The following PROSER2 variants were observed in gnomAD, a reference collection of about 807,000 sequenced individuals.
PROSER2 encodes the protein proline and serine-rich protein 2.
In PROSER2, 18 loss-of-function variants were observed where a neutral mutation model predicts 14.6. That is an observed-to-expected ratio of 1.23 (90% confidence interval 0.85 to 1.83). The LOEUF (loss-of-function observed/expected upper bound fraction) is 1.83. Ranked by LOEUF, PROSER2 falls within the 40% of genes most tolerant of loss-of-function variation. The probability of loss-of-function intolerance (pLI) is 0.00; values close to 1 mark genes in which losing one functional copy is unlikely to be tolerated. For synonymous variants in PROSER2, 367 were observed against 286.4 expected (o/e 1.28, Z -2.84); for missense variants, 823 against 629.8 (o/e 1.31, Z -3.28).
In PROSER2 at chr10:11,836,095, G is replaced by A. The variant is rs563898835; in HGVS notation, c.-82+12625G>A. Among the ~76,000 whole-genome samples the A allele has an allele frequency of 6.6e-6, 1 of 152,242 alleles. No individual in the cohort carries two copies. Among genetic ancestry groups the A allele is most frequent in the African/African-American group, 2.4e-5 (1 of 41,538 alleles). On this transcript the variant is annotated intron_variant, in intron 1 of 3. Transcript: ENST00000277570. This position sits in a 1 kb window ranked among gnomAD's most constrained non-coding sequence, Gnocchi z 4.6. The stretch of plus-strand genomic sequence containing the variant: ...CGCCCAGGCTGCAGTGCAGTGGCAC[G>A]ATCTTGGCTCACTGCAACCTCGGCC...
rs1026770900 is a variant in PROSER2 at position 11,826,879 on chromosome 10, C to A, written c.-82+3409C>A. ...ACAGGCATGAGCCACTGCACCCGGC[C>A]TTTTTTTTTTTTTTTTTTCCTCTGA... On this transcript the variant is annotated intron_variant, in intron 1 of 3. Transcript: ENST00000277570. Among the ~76,000 whole-genome samples, 9 of 105,198 alleles carry A rather than the reference C, an allele frequency of 8.6e-5. No homozygotes were observed. The South Asian group carries it at 1.3e-3, about 15-fold the overall frequency. The allele number at this position is 105,198 out of a possible 152,430, so 69.0% of individuals were successfully genotyped here. A position where few individuals can be genotyped will look rare whatever the true frequency, so the allele number is the denominator to read the frequency against.
At chr10:11,839,102 A>G (rs998242103) in intron 1 of PROSER2, among the ~76,000 whole-genome samples, 7 of 152,210 alleles carry the variant, frequency 4.6e-5, no homozygotes, top group African/African-American at 1.7e-4. Flanking sequence ...TACAAACAAC[A>G]TTAGTATTTC....
At position 11,856,733 on chromosome 10, in the gene PROSER2, G is replaced by A. The variant is rs543234975; in HGVS notation, c.138+4518G>A. ...CCGGCAGCTCCTGAGCCACCCTGTT[G>A]CTCCAGAGCACTTGACACCTTTGGC... On this transcript the variant is annotated intron_variant, in intron 2 of 3. Transcript: ENST00000277570. This position sits in a 1 kb window ranked among gnomAD's most constrained non-coding sequence, Gnocchi z 5.3. Among the ~76,000 whole-genome samples the A allele has an allele frequency of 1.3e-5, 2 of 152,352 alleles. No individual in the cohort carries two copies. Among genetic ancestry groups the A allele is most frequent in the East Asian group, 3.9e-4 (2 of 5,184 alleles).
At chr10:11,825,989 CT>C (rs377443954) in intron 1 of PROSER2, among the ~76,000 whole-genome samples, 28 of 152,206 alleles carry the variant, frequency 1.8e-4, no homozygotes, top group African/African-American at 6.0e-4. Flanking sequence ...AGTTCCAGAA[CT>C]TTTTCATCAC....
intron 3 of PROSER2, among the ~76,000 whole-genome samples, chr10:11,868,936 C>T (rs1295775943): frequency 6.6e-6 from 1 of 152,220 alleles, no homozygotes; most frequent in Non-Finnish European, 1.5e-5. Flanking sequence ...CAGGTGCGAG[C>T]CACCGCGCCC....
intron 1 of PROSER2, among the ~76,000 whole-genome samples, chr10:11,829,283 G>A (rs957515746): frequency 1.3e-5 from 2 of 151,620 alleles, no homozygotes; most frequent in African/African-American, 4.9e-5. Flanking sequence ...TCAAAAAAAA[G>A]TTTTTTAAAA....
rs781268349 is a variant in PROSER2 at position 11,869,840 on chromosome 10, C to T, written c.742C>T (p.Pro248Ser). ...PGPGPSHPAQ[P>S]KAPRFPSNII... ...CCCGGGGCCCAGCCACCCGGCGCAG[C>T]CCAAGGCACCCCGCTTCCCCAGCAA... The change falls in exon 4 of 4, where the codon CCC (proline) becomes TCC (serine). Residue 248 changes from proline to serine, a missense_variant. Physicochemically the swap from Pro to Ser is moderately conservative, Grantham distance 74 (BLOSUM62 -1). Transcript: ENST00000277570. This position sits in a 1 kb window ranked among gnomAD's most constrained non-coding sequence, Gnocchi z 4.4. 1 of 1,583,126 alleles carries T rather than the reference C, an allele frequency of 6.3e-7. No homozygotes were observed. The highest frequency in any genetic ancestry group is 1.2e-5 in the South Asian group (1 of 86,290).
chr10:11,870,484 G>GT lies in PROSER2; in HGVS notation c.*81dup. ...GAAAGAGTCGCTGCACCCAGGAGCT[G>GT]TTTGGTCTAAAATGGAAGTGACAGC... On this transcript the variant is annotated 3_prime_UTR_variant, in exon 4 of 4. Coordinates refer to ENST00000277570, the MANE Select transcript of PROSER2 (RefSeq NM_153256.4). 8.1e-7 allele frequency: 1 copy of GT among 1,239,430 alleles called. No individual in the cohort carries two copies. The highest frequency in any genetic ancestry group is 1.1e-6 in the Non-Finnish European group (1 of 938,286). 76.8% of individuals were successfully genotyped at this position (1,239,430 alleles called of 1,614,324 possible).
At chr10:11,828,387 A>G (rs376518046) in intron 1 of PROSER2, among the ~76,000 whole-genome samples, 3 of 152,048 alleles carry the variant, frequency 2.0e-5, no homozygotes, top group Non-Finnish European at 2.9e-5. Context: ...AAATAGTACA[A>G]TTGGTATTTT....
intron 1 of PROSER2, among the ~76,000 whole-genome samples, chr10:11,828,580 G>C (rs1429746514): frequency 6.6e-6 from 1 of 152,092 alleles, no homozygotes; most frequent in African/African-American, 2.4e-5. Flanking sequence ...GTGTGTGCCT[G>C]TAATCCCAGC....
chr10:11,839,180 G>A lies in PROSER2; in HGVS notation c.-81-12817G>A, dbSNP rs144687935. Among the ~76,000 whole-genome samples, 663 of 152,284 alleles carry A rather than the reference G, an allele frequency of 4.4e-3. 7 individuals are homozygous for A. Among genetic ancestry groups the A allele is most frequent in the African/African-American group, 0.015 (642 of 41,556 alleles). On this transcript the variant is annotated intron_variant, in intron 1 of 3. Transcript: ENST00000277570. ...AGCTGTCGGATAACCTTCTTGGCTT[G>A]AGGGCAGGGAGCAGGTCTCTACTCC...
rs138410457 is a variant in PROSER2 at position 11,846,282 on chromosome 10, T to C, written c.-81-5715T>C. 5.9e-3 allele frequency among the ~76,000 whole-genome samples: 900 copies of C among 152,250 alleles called. 9 individuals carry two copies. Among genetic ancestry groups the C allele is most frequent in the African/African-American group, 0.021 (867 of 41,546 alleles). On this transcript the variant is annotated intron_variant, in intron 1 of 3. Transcript: ENST00000277570. ...GATTACAGGTGTGAGCCACCATGCC[T>C]GGCCTTGAACATTACTTCTGCCACA...
At chr10:11,860,031 T>A (rs1834204421) in intron 2 of PROSER2, among the ~76,000 whole-genome samples, 1 of 152,184 alleles carries the variant, frequency 6.6e-6, no homozygotes, top group African/African-American at 2.4e-5. Flanking sequence ...CCACCGGCAC[T>A]CTCTGCTTCT....
In PROSER2 at chr10:11,869,998, G is replaced by A. The variant is rs976300593; in HGVS notation, c.900G>A (p.Gly300=). The A allele has an allele frequency of 1.0e-4, 130 of 1,256,804 alleles. No individual in the cohort carries two copies. The African/African-American group carries it at 2.0e-3, about 19-fold the overall frequency. The allele number at this position is 1,256,804 out of a possible 1,614,324, so 77.9% of individuals were successfully genotyped here. The part of the protein sequence containing the change: ...HGHAGAFPAA[G]DAGEGAPGGG... ...ACGCCGGCGCCTTCCCCGCCGCGGG[G>A]GACGCCGGCGAGGGGGCCCCAGGGG... The change falls in exon 4 of 4, where the codon GGG becomes GGA. Residue 300 remains glycine, a synonymous_variant. Coordinates refer to ENST00000277570, the MANE Select transcript of PROSER2 (RefSeq NM_153256.4). The surrounding 1 kb of genome is among the most constrained non-coding windows in gnomAD (Gnocchi z 4.4).
chr10:11,856,126 G>A lies in PROSER2; in HGVS notation c.138+3911G>A, dbSNP rs1834119097. Among the ~76,000 whole-genome samples the A allele has an allele frequency of 6.6e-6, 1 of 152,214 alleles. No individual in the cohort carries two copies. The highest frequency in any genetic ancestry group is 2.1e-4 in the South Asian group (1 of 4,818). On this transcript the variant is annotated intron_variant, in intron 2 of 3. Transcript: ENST00000277570. The surrounding 1 kb of genome is among the most constrained non-coding windows in gnomAD (Gnocchi z 5.3). Reference sequence around the variant, plus strand: ...GGTGCTTCCTGACAACGTCGGGAGTGTGCTTGTGGAGCTTACTACCTCGAG... The same window carrying A: ...GGTGCTTCCTGACAACGTCGGGAGTATGCTTGTGGAGCTTACTACCTCGAG...
chr10:11,867,989 T>G (rs975681187), intron 3 of PROSER2, among the ~76,000 whole-genome samples: 1 of 152,242 alleles, frequency 6.6e-6, no homozygotes, highest in African/African-American at 2.4e-5. Flanking sequence ...TACACGTGTG[T>G]ACACATGTAT....
intron 1 of PROSER2, among the ~76,000 whole-genome samples, chr10:11,824,516 G>T (rs994515035): frequency 7.2e-5 from 11 of 152,152 alleles, no homozygotes; most frequent in African/African-American, 2.7e-4. Flanking sequence ...GTGTCTGAAT[G>T]TTACTGATTG....
In PROSER2 at chr10:11,870,299, C is replaced by T. The variant is rs889337897; in HGVS notation, c.1201C>T (p.Leu401=). The T allele has an allele frequency of 1.4e-5, 21 of 1,494,044 alleles. No homozygotes were observed. The highest frequency in any genetic ancestry group is 1.8e-5 in the Non-Finnish European group (20 of 1,128,202). The allele number at this position is 1,494,044 out of a possible 1,614,324, so 92.5% of individuals were successfully genotyped here. ...GAQDWRRADS[L]PRPQGITVQF... Reference sequence around the variant, plus strand: ...CCAGGACTGGCGCCGCGCAGACTCCCTGCCCCGGCCCCAGGGCATCACCGT... The same window carrying T: ...CCAGGACTGGCGCCGCGCAGACTCCTTGCCCCGGCCCCAGGGCATCACCGT... The change falls in exon 4 of 4, where the codon CTG becomes TTG. Residue 401 remains leucine (L), a synonymous_variant. Coordinates refer to ENST00000277570, the MANE Select transcript of PROSER2 (RefSeq NM_153256.4).
Position 11,869,766 on chromosome 10 carries a change from G to T in PROSER2, c.668G>T (p.Gly223Val). ...TCCCCGTTCAGGGAGGGCCGGCCCG[G>T]GGAGTGGAGGACACCTGCCGCCCGG... ...PTSPFREGRPGEWRTPAARGP... is the reference protein window; with the variant it reads ...PTSPFREGRPVEWRTPAARGP... The change falls in exon 4 of 4, where the codon GGG (glycine) becomes GTG (valine). Residue 223 changes from glycine to valine, a missense_variant. Gly to Val is a moderately radical substitution (Grantham distance 109, BLOSUM62 -3). Coordinates refer to ENST00000277570, the MANE Select transcript of PROSER2 (RefSeq NM_153256.4). This position sits in a 1 kb window ranked among gnomAD's most constrained non-coding sequence, Gnocchi z 4.4. 6.4e-7 allele frequency: 1 copy of T among 1,567,784 alleles called. No individual in the cohort carries two copies. The highest frequency in any genetic ancestry group is 8.6e-7 in the Non-Finnish European group (1 of 1,158,314).
Sources: gnomAD v4.1 joint callset for allele counts (sites outside exome capture counted in the v4.1 genomes callset) on GRCh38, gnomAD v4.1.1 for gene constraint, Gnocchi (gnomAD v3.1) non-coding constraint, MANE v1.5 for transcripts, NCBI Gene and HGNC (gene_info 2026-07-23, HGNC 2026-07-21) for gene names.